NPSR1: variants seen among roughly 807,000 people sequenced by gnomAD.
NPSR1 encodes neuropeptide S receptor.
Under a neutral mutation model 46.9 loss-of-function variants are expected in NPSR1, and 48 were observed. That is an observed-to-expected ratio of 1.02 (90% CI 0.81 to 1.30). The LOEUF (loss-of-function observed/expected upper bound fraction) is 1.30, where lower values mean the gene tolerates loss of function less well. NPSR1 is among the 50% of genes most tolerant of loss of function. The pLI is 0.00. For missense variants in NPSR1, 450 were observed against 449.5 expected, an observed-to-expected ratio of 1.00 and a Z score of -0.01; for synonymous variants, 176 against 168.1, an observed-to-expected ratio of 1.05 and a Z score of -0.36.
chr7:34,836,914 C>T (rs1259979936), intron 6 of NPSR1, among the ~76,000 whole-genome samples: 1 of 152,086 alleles, frequency 6.6e-6, no homozygotes, highest in Non-Finnish European at 1.5e-5. Flanking sequence ...AGAGAGTGTA[C>T]TTATTGCCAT....
At chr7:34,713,658 G>T (rs1783412769) in intron 2 of NPSR1, among the ~76,000 whole-genome samples, 1 of 152,186 alleles carries the variant, frequency 6.6e-6, no homozygotes, top group Non-Finnish European at 1.5e-5. Context: ...CTCCTGTGCA[G>T]AAGTCAATGC....
downstream of NPSR1, among the ~76,000 whole-genome samples, chr7:34,853,101 A>G (rs1790972292): frequency 1.3e-5 from 2 of 152,192 alleles, 1 homozygote; most frequent in South Asian, 4.1e-4. Flanking sequence ...GCCCTTTTAA[A>G]TCAGCCCAAC....
chr7:34,703,316 AGCCGAGATCGC>A (rs1793938580), intron 2 of NPSR1, among the ~76,000 whole-genome samples: 2 of 152,332 alleles, frequency 1.3e-5, no homozygotes, highest in Non-Finnish European at 1.5e-5. Context: ...GCTCGCAGTG[AGCCGAGATCGC>A]GCCACTGCCC....
At chr7:34,822,889 T>C (rs933902019) in intron 4 of NPSR1, among the ~76,000 whole-genome samples, 15 of 152,174 alleles carry the variant, frequency 9.9e-5, no homozygotes, top group Non-Finnish European at 1.5e-4. Flanking sequence ...AAGGAAAATA[T>C]AGTTTTTTAC....
chr7:34,684,701 G>C lies in NPSR1; in HGVS notation c.280+17G>C, dbSNP rs1300825583. 1 of 1,592,552 alleles carries C rather than the reference G, an allele frequency of 6.3e-7. No individual in the cohort carries two copies. The highest frequency in any genetic ancestry group is 1.1e-5 in the South Asian group (1 of 87,670). The stretch of plus-strand genomic sequence containing the variant: ...CCATCACAGGTAAGTAACTATGCAA[G>C]TGAGAGGCAGGAAGCTATATGTGAA... On this transcript the variant is annotated intron_variant, in intron 2 of 8. Coordinates refer to ENST00000360581, the MANE Select transcript of NPSR1 (RefSeq NM_207172.2).
intron 3 of NPSR1, among the ~76,000 whole-genome samples, chr7:34,786,898 T>C (rs538978841): frequency 6.6e-6 from 1 of 152,244 alleles, no homozygotes; most frequent in East Asian, 1.9e-4. Flanking sequence ...GTTTTATTTA[T>C]AGAGCACAGG....
intron 3 of NPSR1, among the ~76,000 whole-genome samples, chr7:34,790,768 TAA>T (rs1787730421): frequency 6.5e-5 from 8 of 123,562 alleles, no homozygotes; most frequent in African/African-American, 1.7e-4. Context: ...ATGTTATATA[TAA>T]TATATGTTAT....
chr7:34,760,356 A>T (rs774827621), intron 2 of NPSR1, among the ~76,000 whole-genome samples: 13 of 152,236 alleles, frequency 8.5e-5, no homozygotes, highest in Non-Finnish European at 1.8e-4. Flanking sequence ...CATTTTACAT[A>T]AACTATCTCA....
rs555037168 is a variant in NPSR1 at position 34,746,588 on chromosome 7, T to C, written c.281-31874T>C. ...ATATTTTTGCTTCTTAACCAAGTGT[T>C]CTCCCTCCACCCATCCCTGTCTTAG... On this transcript the variant is annotated intron_variant, in intron 2 of 8. Coordinates refer to ENST00000360581, the MANE Select transcript of NPSR1 (RefSeq NM_207172.2). Among the ~76,000 whole-genome samples, 313 of 152,296 alleles carry C rather than the reference T, an allele frequency of 2.1e-3. 4 individuals carry two copies. The highest frequency in any genetic ancestry group is 7.2e-4 in the Non-Finnish European group (49 of 68,008).
chr7:34,746,429 T>A (rs964341090), intron 2 of NPSR1, among the ~76,000 whole-genome samples: 2 of 152,236 alleles, frequency 1.3e-5, no homozygotes, highest in African/African-American at 4.8e-5. Context: ...TTTATGTGCC[T>A]GATTTATAAA....
At chr7:34,692,422 G>A (rs1469714178) in intron 2 of NPSR1, among the ~76,000 whole-genome samples, 1 of 151,996 alleles carries the variant, frequency 6.6e-6, no homozygotes, top group South Asian at 2.1e-4. Flanking sequence ...ACAAGAACAT[G>A]AAAACTAAGC....
intron 2 of NPSR1, among the ~76,000 whole-genome samples, chr7:34,690,656 G>A (rs1793204291): frequency 6.6e-6 from 1 of 152,088 alleles, no homozygotes; most frequent in Non-Finnish European, 1.5e-5. Flanking sequence ...GACATCTTTT[G>A]AATTAAACCA....
chr7:34,688,320 T>G (rs1421178682), intron 2 of NPSR1, among the ~76,000 whole-genome samples: 1 of 152,044 alleles, frequency 6.6e-6, no homozygotes, highest in African/African-American at 2.4e-5. Context: ...ATACAATAAT[T>G]GATGAAAAAC....
chr7:34,779,711 T>C, intron 3 of NPSR1: 1 of 485,472 alleles, frequency 2.1e-6, no homozygotes, highest in Non-Finnish European at 3.2e-6. Flanking sequence ...TATTTCAATT[T>C]CTTTCTGAGG....
At chr7:34,678,774 C>T (rs569299336) in intron 1 of NPSR1, among the ~76,000 whole-genome samples, 4 of 147,944 alleles carry the variant, frequency 2.7e-5, no homozygotes, top group Admixed American at 1.3e-4. Flanking sequence ...TGCAGTGAGC[C>T]GAGATTGCGC....
rs1791293482 is a variant in NPSR1 at position 34,658,512 on chromosome 7, G to T, written c.100G>T (p.Glu34Ter). The T allele has an allele frequency of 5.6e-6, 9 of 1,614,174 alleles. No homozygotes were observed. The highest frequency in any genetic ancestry group is 6.8e-6 in the Non-Finnish European group (8 of 1,180,000). Reference sequence around the variant, plus strand: ...TTGCACTGAAACAGTGACTTTTACTGAAGTGGTGGAAGGAAAGGAATGGGG... The same window carrying T: ...TTGCACTGAAACAGTGACTTTTACTTAAGTGGTGGAAGGAAAGGAATGGGG... Reference protein sequence around the residue: ...VACTETVTFTEVVEGKEWGSF... With the variant: ...VACTETVTFT Residue 34 changes from glutamate (E) to a stop codon, truncating the protein, a stop_gained, in exon 1 of 9, where the codon GAA becomes TAA. Coordinates refer to ENST00000360581, the MANE Select transcript of NPSR1 (RefSeq NM_207172.2). LOFTEE classifies it high-confidence loss of function.
chr7:34,702,179 C>T (rs1333567238), intron 2 of NPSR1, among the ~76,000 whole-genome samples: 1 of 152,130 alleles, frequency 6.6e-6, no homozygotes, highest in Non-Finnish European at 1.5e-5. Flanking sequence ...GAACATCTGT[C>T]ATCATGCCCA....
At chr7:34,777,106 C>A (rs1003313991) in intron 2 of NPSR1, among the ~76,000 whole-genome samples, 3 of 152,156 alleles carry the variant, frequency 2.0e-5, no homozygotes, top group African/African-American at 4.8e-5. Context: ...CCATGTGCCT[C>A]CCCAGTGTAC....
chr7:34,784,266 T>G (rs2128739743), intron 3 of NPSR1, among the ~76,000 whole-genome samples: 1 of 152,284 alleles, frequency 6.6e-6, no homozygotes, highest in South Asian at 2.1e-4. Context: ...TGTGCCAGTT[T>G]TCAAAGGGAA....
Sources: allele counts gnomAD v4.1 joint callset (sites outside exome capture counted in the v4.1 genomes callset), GRCh38; gene constraint gnomAD v4.1.1; transcripts MANE v1.5; gene names NCBI Gene and HGNC (gene_info 2026-07-23, HGNC 2026-07-21).